Variants in RGL1 observed in about 807,000 individuals in gnomAD.
RGL1 encodes ral guanine nucleotide dissociation stimulator-like 1.
A neutral mutation model predicts 95.2 loss-of-function variants in RGL1; 24 were observed. That is an observed-to-expected ratio of 0.25 (90% CI 0.18 to 0.35). RGL1 has a LOEUF of 0.35. RGL1 is among the 10% of genes least tolerant of loss of function. The pLI is 1.00. For missense variants in RGL1, 715 were observed against 936.3 expected, an observed-to-expected ratio of 0.76 and a Z score of 3.08; for synonymous variants, 329 against 344.9, an observed-to-expected ratio of 0.95 and a Z score of 0.51.
intron 2 of RGL1, among the ~76,000 whole-genome samples, chr1:183,786,871 C>T (rs1262934227): frequency 1.3e-5 from 2 of 152,098 alleles, no homozygotes; most frequent in Non-Finnish European, 2.9e-5. Flanking sequence ...ATTTGGGGCT[C>T]ATTGTGAGTA....
intron 2 of RGL1, among the ~76,000 whole-genome samples, chr1:183,756,096 G>A (rs557897862): frequency 4.6e-5 from 7 of 152,096 alleles, no homozygotes; most frequent in Admixed American, 2.6e-4. Context: ...TGTTGGCCAG[G>A]CTGGTCTTGA....
chr1:183,911,519 C>G (rs1668641056), intron 14 of RGL1, among the ~76,000 whole-genome samples: 1 of 152,204 alleles, frequency 6.6e-6, no homozygotes, highest in Non-Finnish European at 1.5e-5. Flanking sequence ...AGCTGCAGAA[C>G]TAGCTCGCGT....
chr1:183,710,631 G>A (rs1188607744), intron 1 of RGL1, among the ~76,000 whole-genome samples: 1 of 152,190 alleles, frequency 6.6e-6, no homozygotes, highest in Non-Finnish European at 1.5e-5. Context: ...TACAATCATG[G>A]CAGAAGGTAA....
chr1:183,685,389 T>C (rs556095650), intron 1 of RGL1, among the ~76,000 whole-genome samples: 1 of 152,314 alleles, frequency 6.6e-6, no homozygotes, highest in Admixed American at 6.5e-5. Flanking sequence ...GTGATTTACA[T>C]AGAATGTAAA....
intron 2 of RGL1, among the ~76,000 whole-genome samples, chr1:183,792,651 A>G (rs774039504): frequency 1.3e-5 from 2 of 152,270 alleles, no homozygotes; most frequent in Non-Finnish European, 2.9e-5. Context: ...AATCAGTTGT[A>G]TCTCTATATG....
At chr1:183,648,548 C>G in intron 1 of RGL1, 1 of 1,614,112 alleles carries the variant, frequency 6.2e-7, no homozygotes, top group Non-Finnish European at 8.5e-7. Flanking sequence ...CCTTTTGCAC[C>G]AGGCTACCAG....
intron 2 of RGL1, among the ~76,000 whole-genome samples, chr1:183,828,759 C>T (rs1663054558): frequency 1.3e-5 from 2 of 152,178 alleles, no homozygotes; most frequent in South Asian, 4.1e-4. Flanking sequence ...GAACTTGTAA[C>T]ACTGATTGAC....
rs1365085858 is a variant in RGL1, at chr1:183,724,756, C to T, written c.-32-17370C>T. On this transcript the variant is annotated intron_variant, in intron 1 of 18. Transcript: ENST00000304685. The surrounding 1 kb of genome is among the most constrained non-coding windows in gnomAD (Gnocchi z 4.1). ...CTGGGGGGAGCTTGCCATCCTTAAG[C>T]GAAGGACATGAGCATGGCTGTTTTC... 2.0e-5 allele frequency among the ~76,000 whole-genome samples: 3 copies of T among 152,054 alleles called. No individual in the cohort carries two copies. The highest frequency in any genetic ancestry group is 7.2e-5 in the African/African-American group (3 of 41,406).
At chr1:183,680,692 A>G (rs1432520869) in intron 1 of RGL1, among the ~76,000 whole-genome samples, 1 of 152,116 alleles carries the variant, frequency 6.6e-6, no homozygotes, top group African/African-American at 2.4e-5. Context: ...CATTTAAAGT[A>G]GTTTTTTTCT....
intron 1 of RGL1, among the ~76,000 whole-genome samples, chr1:183,662,749 G>A (rs1412496399): frequency 1.3e-5 from 2 of 152,122 alleles, no homozygotes; most frequent in African/African-American, 4.8e-5. Flanking sequence ...AGCCCGCATT[G>A]CCAAGTCAAT....
intron 1 of RGL1, among the ~76,000 whole-genome samples, chr1:183,664,719 A>G (rs1651913095): frequency 6.6e-6 from 1 of 152,296 alleles, no homozygotes; most frequent in East Asian, 1.9e-4. Context: ...AAGGACAAGA[A>G]AAAAATGTTA....
chr1:183,885,833 G>C (rs915211518), intron 7 of RGL1, among the ~76,000 whole-genome samples: 1 of 152,122 alleles, frequency 6.6e-6, no homozygotes, highest in Non-Finnish European at 1.5e-5. Context: ...CTGTAAAAGT[G>C]GGGGAGAGAG....
At chr1:183,766,905 A>G (rs1658996505) in intron 2 of RGL1, among the ~76,000 whole-genome samples, 2 of 152,266 alleles carry the variant, frequency 1.3e-5, no homozygotes, top group South Asian at 4.1e-4. Flanking sequence ...AACCAAATGC[A>G]AGCTTTTCAT....
At chr1:183,842,389 G>T (rs1664119731) in intron 2 of RGL1, among the ~76,000 whole-genome samples, 1 of 151,778 alleles carries the variant, frequency 6.6e-6, no homozygotes, top group South Asian at 2.1e-4. Context: ...TGTTTTAGAA[G>T]GTGAAAGAGT....
At chr1:183,775,971 A>G (rs1659573061) in intron 2 of RGL1, among the ~76,000 whole-genome samples, 1 of 152,198 alleles carries the variant, frequency 6.6e-6, no homozygotes, top group Non-Finnish European at 1.5e-5. Context: ...CATAAAAAAC[A>G]AAGCATTAAA....
At chr1:183,800,389 G>T (rs1162690885), upstream of RGL1, among the ~76,000 whole-genome samples, 1 of 152,094 alleles carries the variant, frequency 6.6e-6, no homozygotes, top group African/African-American at 2.4e-5. Context: ...TGTAAAGCAA[G>T]AAATTTTTTT....
chr1:183,755,344 T>C (rs1344943920), intron 2 of RGL1, among the ~76,000 whole-genome samples: 2 of 152,164 alleles, frequency 1.3e-5, no homozygotes, highest in African/African-American at 4.8e-5. Flanking sequence ...ATATTTAAAA[T>C]GAAAATATTA....
At chr1:183,669,097 C>T (rs1450885637) in intron 1 of RGL1, among the ~76,000 whole-genome samples, 1 of 152,016 alleles carries the variant, frequency 6.6e-6, no homozygotes, top group Non-Finnish European at 1.5e-5. Context: ...CATGTGCCAC[C>T]ATGCCCGGCT....
intron 3 of RGL1, 110 bp from the exon 4 acceptor site, chr1:183,865,886 C>A: frequency 2.7e-6 from 2 of 733,718 alleles, no homozygotes; most frequent in East Asian, 2.6e-5. Flanking sequence ...TATATCTTTC[C>A]TTAATTACTT....
Sources: allele counts gnomAD v4.1 joint callset (sites outside exome capture counted in the v4.1 genomes callset), GRCh38; gene constraint gnomAD v4.1.1; non-coding constraint Gnocchi (gnomAD v3.1); transcripts MANE v1.5; gene names NCBI Gene and HGNC (gene_info 2026-07-23, HGNC 2026-07-21).